RBFOX1: variants seen among roughly 807,000 people sequenced by gnomAD.
RBFOX1 encodes the protein RNA binding protein fox-1 homolog 1.
RBFOX1 carries 8 observed loss-of-function variants against 57.7 expected under a neutral mutation model. The observed-to-expected ratio is 0.14, with a 90% CI of 0.08 to 0.25. The LOEUF (loss-of-function observed/expected upper bound fraction) is 0.25, where lower values mean the gene tolerates loss of function less well. Among genes scored for constraint, RBFOX1 ranks in the 10% least tolerant of loss-of-function variants. The pLI is 1.00. For synonymous variants in RBFOX1, 326 were observed against 222.4 expected, an observed-to-expected ratio of 1.47 and a Z score of -4.15; for missense variants, 611 against 548.5, an observed-to-expected ratio of 1.11 and a Z score of -1.14.
intron 2 of RBFOX1, among the ~76,000 whole-genome samples, chr16:6,644,039 T>A (rs1368433969): frequency 6.6e-6 from 1 of 152,050 alleles, no homozygotes; most frequent in Non-Finnish European, 1.5e-5. Flanking sequence ...GGCAGGAGAA[T>A]CGTTTGAACC....
At chr16:6,813,808 G>C (rs539117013) in intron 3 of RBFOX1, among the ~76,000 whole-genome samples, 77 of 152,284 alleles carry the variant, frequency 5.1e-4, no homozygotes, top group African/African-American at 1.8e-3. Context: ...CCTGAAGAAT[G>C]AGTGAAGGGA....
intron 3 of RBFOX1, among the ~76,000 whole-genome samples, chr16:6,978,667 C>G (rs1374665490): frequency 6.6e-6 from 1 of 152,140 alleles, no homozygotes; most frequent in Non-Finnish European, 1.5e-5. Context: ...TTGTCCCTTT[C>G]TTACCGACTT....
chr16:6,884,036 A>T (rs1261320736), intron 3 of RBFOX1, among the ~76,000 whole-genome samples: 1 of 152,136 alleles, frequency 6.6e-6, no homozygotes, highest in Middle Eastern at 3.2e-3. Context: ...TCTTCTGACA[A>T]ACTGATCCTG....
chr16:6,395,086 C>G (rs948085285), intron 2 of RBFOX1, among the ~76,000 whole-genome samples: 4 of 152,152 alleles, frequency 2.6e-5, no homozygotes, highest in African/African-American at 9.7e-5. Context: ...CATTATGACT[C>G]ACAAGACTCT....
chr16:6,669,366 G>C (rs564988615), intron 3 of RBFOX1, among the ~76,000 whole-genome samples: 15 of 152,238 alleles, frequency 9.9e-5, no homozygotes, highest in African/African-American at 3.6e-4. Context: ...TCTGGGTTAG[G>C]ATTTATTTTT....
In RBFOX1 at chr16:7,178,496, G is replaced by A. The variant is rs147469047; in HGVS notation, c.27+126398G>A. Among the ~76,000 whole-genome samples the A allele has an allele frequency of 2.3e-4, 35 of 152,156 alleles. No homozygotes were observed. The East Asian group carries it at 6.4e-3, about 28-fold the overall frequency. ...CATAAATTGATTCAATTGATGTATCGATTGACTGATAATCATTACTAAACA... is the reference window on the plus strand; with the variant it reads ...CATAAATTGATTCAATTGATGTATCAATTGACTGATAATCATTACTAAACA... On this transcript the variant is annotated intron_variant, in intron 4 of 15. Coordinates refer to ENST00000550418, the MANE Select transcript of RBFOX1 (RefSeq NM_018723.4).
At chr16:6,129,716 AG>A (rs1477578046) in intron 1 of RBFOX1, among the ~76,000 whole-genome samples, 3 of 150,260 alleles carry the variant, frequency 2.0e-5, no homozygotes, top group Non-Finnish European at 4.4e-5. Context: ...AAAAAAAAAA[AG>A]AACTAAACTC....
intron 4 of RBFOX1, among the ~76,000 whole-genome samples, chr16:5,927,293 G>T (rs2058958209): frequency 6.6e-6 from 1 of 152,208 alleles, no homozygotes; most frequent in Non-Finnish European, 1.5e-5. Flanking sequence ...ATATATGTGT[G>T]TGGCAAACAG....
chr16:7,198,173 T>C (rs1312441241), intron 4 of RBFOX1, among the ~76,000 whole-genome samples: 1 of 151,874 alleles, frequency 6.6e-6, no homozygotes, highest in Non-Finnish European at 1.5e-5. Context: ...AGCTGGCTAA[T>C]CTTTTGTATT....
chr16:7,388,957 C>T (rs1369369700), intron 4 of RBFOX1, among the ~76,000 whole-genome samples: 1 of 151,988 alleles, frequency 6.6e-6, no homozygotes, highest in Non-Finnish European at 1.5e-5. Flanking sequence ...GTACGCAGAG[C>T]TTAATAGAGT....
At chr16:7,606,370 C>T (rs1195234063) in intron 9 of RBFOX1, among the ~76,000 whole-genome samples, 1 of 152,142 alleles carries the variant, frequency 6.6e-6, no homozygotes, top group East Asian at 1.9e-4. Context: ...ATCTCCCTGC[C>T]TTGGCCTCCC....
At chr16:7,193,054 C>T (rs1006045692) in intron 4 of RBFOX1, among the ~76,000 whole-genome samples, 2 of 152,174 alleles carry the variant, frequency 1.3e-5, no homozygotes, top group African/African-American at 4.8e-5. Context: ...AACCTGTGAG[C>T]ATGTTGGGTT....
rs1034831255 is a variant in RBFOX1, at chr16:5,332,800, A to C, written c.219+92695A>C. Among the ~76,000 whole-genome samples, 12 of 152,094 alleles carry C rather than the reference A, an allele frequency of 7.9e-5. No individual in the cohort carries two copies. The East Asian group carries it at 2.1e-3, about 27-fold the overall frequency. On this transcript the variant is annotated intron_variant, in intron 1 of 2. Coordinates refer to the RBFOX1 transcript ENST00000585867. ...TTTATATATTTAACTTATAATACACATTATTAAATATACTTTATATATAGA... is the reference window on the plus strand; with the variant it reads ...TTTATATATTTAACTTATAATACACCTTATTAAATATACTTTATATATAGA...
chr16:5,286,605 C>A (rs942125642), intron 1 of RBFOX1, among the ~76,000 whole-genome samples: 3 of 152,188 alleles, frequency 2.0e-5, no homozygotes, highest in Non-Finnish European at 4.4e-5. Flanking sequence ...CTCAGTAGAA[C>A]AGTCAGAATG....
chr16:7,135,889 A>G lies in RBFOX1; in HGVS notation c.27+83791A>G, dbSNP rs567601865. On this transcript the variant is annotated intron_variant, in intron 4 of 15. Transcript: ENST00000550418. ...ATTCAAAGAAAGCTCTGTTTGTTCT[A>G]TTTTGCATCTGGCACACAGGTTCAT... 9.6e-4 allele frequency among the ~76,000 whole-genome samples: 146 copies of G among 152,290 alleles called. 1 individual carries two copies. The highest frequency in any genetic ancestry group is 3.4e-3 in the Middle Eastern group (1 of 294).
At chr16:5,324,644 A>G (rs945075889) in intron 1 of RBFOX1, among the ~76,000 whole-genome samples, 13 of 152,220 alleles carry the variant, frequency 8.5e-5, no homozygotes, top group African/African-American at 2.9e-4. Context: ...GAACGAAATC[A>G]TGTCCTTTGC....
chr16:5,506,097 C>G (rs2043367856), intron 2 of RBFOX1, among the ~76,000 whole-genome samples: 1 of 152,124 alleles, frequency 6.6e-6, no homozygotes. Context: ...GCCTTTGAGC[C>G]CACACTGCCT....
chr16:5,470,945 G>A (rs2069114138), intron 2 of RBFOX1, among the ~76,000 whole-genome samples: 1 of 152,218 alleles, frequency 6.6e-6, no homozygotes, highest in South Asian at 2.1e-4. Flanking sequence ...TCCGCATCCT[G>A]GGTTCAAGCG....
chr16:5,342,053 C>T (rs766544173), intron 1 of RBFOX1, among the ~76,000 whole-genome samples: 17 of 152,186 alleles, frequency 1.1e-4, no homozygotes, highest in Non-Finnish European at 2.5e-4. Context: ...CTGGTAAATC[C>T]TTTAGTGTAG....
Sources: allele counts gnomAD v4.1 joint callset (sites outside exome capture counted in the v4.1 genomes callset), GRCh38; gene constraint gnomAD v4.1.1; transcripts MANE v1.5; gene names NCBI Gene and HGNC (gene_info 2026-07-23, HGNC 2026-07-21).